Variants in OLA1 observed in about 807,000 individuals in gnomAD.
The protein encoded by OLA1 is obg-like ATPase 1.
In OLA1, 14 loss-of-function variants were observed where a neutral mutation model predicts 48.4. That is an observed-to-expected ratio of 0.29 (90% CI 0.19 to 0.45). The LOEUF (loss-of-function observed/expected upper bound fraction) is 0.45. Ranked by LOEUF, OLA1 falls within the 20% of genes least tolerant of loss-of-function variation. The probability of loss-of-function intolerance (pLI) is 1.00; values close to 1 mark genes in which losing one functional copy is unlikely to be tolerated. For missense variants in OLA1, 325 were observed against 467.1 expected, an observed-to-expected ratio of 0.70 and a Z score of 2.80; for synonymous variants, 127 against 150.4, an observed-to-expected ratio of 0.84 and a Z score of 1.14.
At chr2:174,156,232 C>T (rs1298608155) in intron 4 of OLA1, among the ~76,000 whole-genome samples, 1 of 152,104 alleles carries the variant, frequency 6.6e-6, no homozygotes, top group African/African-American at 2.4e-5. Flanking sequence ...TCGTGAAGGG[C>T]TGACCTGTGC....
chr2:174,149,068 G>T lies in OLA1; in HGVS notation c.374-7068C>A, dbSNP rs1269101136. Among the ~76,000 whole-genome samples the T allele has an allele frequency of 4.8e-5, 7 of 147,150 alleles. No individual in the cohort carries two copies. The South Asian group carries it at 1.5e-3, about 32-fold the overall frequency. On this transcript the variant is annotated intron_variant, in intron 4 of 10. Coordinates refer to ENST00000284719, the MANE Select transcript of OLA1 (RefSeq NM_013341.5). ...CCAGTTCAGAGCCAAGCTTCTTGAA[G>T]GAGCTGTCTACATGTGCTCTCTCCA... is the stretch of plus-strand genomic sequence containing the variant.
intron 4 of OLA1, among the ~76,000 whole-genome samples, chr2:174,165,194 C>A (rs766153264): frequency 1.3e-5 from 2 of 152,142 alleles, no homozygotes; most frequent in African/African-American, 4.8e-5. Flanking sequence ...TATTACAACT[C>A]ATATATTACG....
chr2:174,119,060 AT>A (rs1476056312), intron 7 of OLA1, among the ~76,000 whole-genome samples: 2 of 152,214 alleles, frequency 1.3e-5, no homozygotes, highest in Admixed American at 6.5e-5. Flanking sequence ...ACATGTAAAA[AT>A]ATATTCAAAT....
chr2:174,183,363 T>A (rs1366604129), intron 4 of OLA1, among the ~76,000 whole-genome samples: 1 of 152,190 alleles, frequency 6.6e-6, no homozygotes, highest in African/African-American at 2.4e-5. Flanking sequence ...CAGTCTCTCA[T>A]GGGTTTCTTC....
chr2:174,238,163 T>C (rs1688903165), intron 2 of OLA1, among the ~76,000 whole-genome samples: 1 of 152,168 alleles, frequency 6.6e-6, no homozygotes, highest in South Asian at 2.1e-4. Context: ...GAAGAAGTGA[T>C]AAGCACATGA....
intron 4 of OLA1, among the ~76,000 whole-genome samples, chr2:174,167,315 C>T (rs1311298619): frequency 6.6e-6 from 1 of 152,236 alleles, no homozygotes; most frequent in Non-Finnish European, 1.5e-5. Flanking sequence ...GTGGCTCACG[C>T]CTGTAATCCC....
intron 4 of OLA1, 42 bp from the exon 5 acceptor site, chr2:174,142,042 A>G (rs750351356): frequency 6.6e-6 from 10 of 1,523,548 alleles, no homozygotes; most frequent in Non-Finnish European, 8.2e-6. Context: ...AACAAATAAT[A>G]CAGCGTGTTC....
At chr2:174,092,131 A>T (rs1685140512) in intron 7 of OLA1, among the ~76,000 whole-genome samples, 1 of 139,358 alleles carries the variant, frequency 7.2e-6, no homozygotes, top group Non-Finnish European at 1.6e-5. Context: ...CCATCTCAAA[A>T]AAAAAAAAAA....
At chr2:174,104,336 G>A (rs1054251963) in intron 7 of OLA1, among the ~76,000 whole-genome samples, 2 of 151,980 alleles carry the variant, frequency 1.3e-5, no homozygotes, top group Non-Finnish European at 2.9e-5. Flanking sequence ...ACCAAAGAAA[G>A]TATAAATGGT....
chr2:174,232,661 A>C (rs1057412035), intron 2 of OLA1, among the ~76,000 whole-genome samples: 1 of 152,202 alleles, frequency 6.6e-6, no homozygotes, highest in Non-Finnish European at 1.5e-5. Context: ...CCACAATGAG[A>C]TATAACCTTA....
chr2:174,140,195 CT>C (rs767060468), intron 5 of OLA1, among the ~76,000 whole-genome samples: 82 of 152,122 alleles, frequency 5.4e-4, no homozygotes, highest in Non-Finnish European at 9.1e-4. Flanking sequence ...ACAAAATGAC[CT>C]GCCTATCTTT....
At chr2:174,176,783 C>A (rs578223645) in intron 4 of OLA1, among the ~76,000 whole-genome samples, 1 of 152,250 alleles carries the variant, frequency 6.6e-6, no homozygotes, top group East Asian at 1.9e-4. Flanking sequence ...ATGCATGTTT[C>A]TGCGAAAACT....
In OLA1 at chr2:174,238,433, G is replaced by A. The variant is rs546031550; in HGVS notation, c.101+8282C>T. Among the ~76,000 whole-genome samples the A allele has an allele frequency of 2.0e-4, 30 of 149,402 alleles. No homozygotes were observed. The East Asian group carries it at 5.2e-3, about 26-fold the overall frequency. On this transcript the variant is annotated intron_variant, in intron 2 of 10. Transcript: ENST00000284719. The stretch of plus-strand genomic sequence containing the variant: ...CACTTGAACCCAGGAGGTGGAGGCT[G>A]CAGTGAGCCAAGACTGTGCCACAGA...
intron 5 of OLA1, among the ~76,000 whole-genome samples, chr2:174,140,924 A>T (rs1041681813): frequency 2.0e-5 from 3 of 151,546 alleles, no homozygotes; most frequent in Non-Finnish European, 2.9e-5. Context: ...TTTTATTTTT[A>T]AAAATATTTT....
chr2:174,156,627 C>T lies in OLA1; in HGVS notation c.374-14627G>A, dbSNP rs527383647. Among the ~76,000 whole-genome samples the T allele has an allele frequency of 2.6e-3, 369 of 140,018 alleles. 3 individuals carry two copies. Among genetic ancestry groups the T allele is most frequent in the African/African-American group, 9.6e-3 (357 of 37,274 alleles). The allele number at this position is 140,018 out of a possible 152,430, so 91.9% of individuals were successfully genotyped here. ...GAGATGGAGTTTTGCTATTGTTGCC[C>T]AGGCTGGAGTGCAGTGGCGCCATCT... On this transcript the variant is annotated intron_variant, in intron 4 of 10. Coordinates refer to ENST00000284719, the MANE Select transcript of OLA1 (RefSeq NM_013341.5).
intron 7 of OLA1, among the ~76,000 whole-genome samples, chr2:174,113,524 A>T (rs2105360969): frequency 6.6e-6 from 1 of 152,314 alleles, no homozygotes; most frequent in South Asian, 2.1e-4. Context: ...TAACAATGTT[A>T]TTAAATAGTT....
chr2:174,201,608 C>A (rs1687991797), intron 4 of OLA1, among the ~76,000 whole-genome samples: 1 of 152,106 alleles, frequency 6.6e-6, no homozygotes, highest in South Asian at 2.1e-4. Context: ...CTGCCACAGC[C>A]CCCTCAAAGT....
intron 4 of OLA1, 100 bp from the exon 5 acceptor site, chr2:174,142,100 T>C: frequency 9.6e-7 from 1 of 1,036,488 alleles, no homozygotes. Context: ...ATAAATATAA[T>C]AAATAAATTA....
At chr2:174,141,212 G>A (rs1341972379) in intron 5 of OLA1, among the ~76,000 whole-genome samples, 1 of 152,224 alleles carries the variant, frequency 6.6e-6, no homozygotes, top group African/African-American at 2.4e-5. Context: ...GATTATAGGC[G>A]TGAGCCACCA....
Sources: gnomAD v4.1 joint callset for allele counts (sites outside exome capture counted in the v4.1 genomes callset) on GRCh38, gnomAD v4.1.1 for gene constraint, MANE v1.5 for transcripts, NCBI Gene and HGNC (gene_info 2026-07-23, HGNC 2026-07-21) for gene names.